CTPS1: variants seen among roughly 807,000 people sequenced by gnomAD.
The protein encoded by CTPS1 is CTP synthase 1, also known as CTP synthetase 1.
In CTPS1, 25 loss-of-function variants were observed where a neutral mutation model predicts 80.5. That is an observed-to-expected ratio of 0.31 (90% CI 0.23 to 0.43). The LOEUF (loss-of-function observed/expected upper bound fraction) is 0.43, where lower values mean the gene tolerates loss of function less well. CTPS1 is among the 20% of genes least tolerant of loss of function. CTPS1 has a pLI of 1.00. For synonymous variants in CTPS1, 267 were observed against 252.5 expected (o/e 1.06, Z -0.54); for missense variants, 442 against 725.7 (o/e 0.61, Z 4.49).
chr1:41,003,510 T>C (rs577784220), intron 12 of CTPS1, among the ~76,000 whole-genome samples: 4 of 152,342 alleles, frequency 2.6e-5, no homozygotes, highest in East Asian at 3.9e-4. Context: ...GCAGTTATTA[T>C]GAGAACCTGG....
At chr1:40,992,600 G>A (rs1642641500) in intron 7 of CTPS1, among the ~76,000 whole-genome samples, 1 of 151,640 alleles carries the variant, frequency 6.6e-6, no homozygotes, top group Non-Finnish European at 1.5e-5. Flanking sequence ...ATGTAGCTTT[G>A]GCCAGGTTTT....
intron 5 of CTPS1, 51 bp downstream of exon 5, chr1:40,988,761 G>GA (rs1447768971): frequency 5.7e-6 from 7 of 1,225,720 alleles, no homozygotes; most frequent in Non-Finnish European, 6.0e-6. Context: ...GAGGAGGGAG[G>GA]AAAGGTAAAC....
intron 1 of CTPS1, chr1:40,980,151 TCGG>T (rs1651799199): frequency 3.3e-5 from 5 of 151,038 alleles, no homozygotes; most frequent in Non-Finnish European, 7.4e-5. Flanking sequence ...CCGAATCAGC[TCGG>T]CCGGGCTCGT....
At chr1:40,997,064 A>C (rs1455499632) in intron 8 of CTPS1, 1 of 183,434 alleles carries the variant, frequency 5.5e-6, no homozygotes, top group Non-Finnish European at 1.1e-5. Context: ...CTTCCTCTTT[A>C]CTGGTCTGTA....
chr1:41,006,701 G>A (rs1276659245), intron 13 of CTPS1, among the ~76,000 whole-genome samples: 8 of 152,212 alleles, frequency 5.3e-5, no homozygotes, highest in Admixed American at 5.2e-4. Context: ...GGATGTAAAG[G>A]GAAGGGCACT....
chr1:40,985,222 A>G (rs1350988069), intron 3 of CTPS1, among the ~76,000 whole-genome samples: 1 of 152,272 alleles, frequency 6.6e-6, no homozygotes, highest in African/African-American at 2.4e-5. Context: ...TTCTTCGTTG[A>G]AGCTTGTCAA....
At chr1:40,997,602 TC>T (rs1642789374) in intron 9 of CTPS1, 76 bp downstream of exon 9, 2 of 1,492,358 alleles carry the variant, frequency 1.3e-6, no homozygotes, top group Non-Finnish European at 1.8e-6. Flanking sequence ...CTGTGTCATA[TC>T]TGCTTTCTGT....
chr1:40,997,171 TG>T, intron 8 of CTPS1: 1 of 494,632 alleles, frequency 2.0e-6, no homozygotes, highest in Non-Finnish European at 3.6e-6. Flanking sequence ...CTCACACTGT[TG>T]CCCAGGCTGT....
Position 40,985,009 on chromosome 1 carries a change from TTTAAAGC to T in CTPS1, c.337+24_337+30del, listed in dbSNP as rs1384971666. The T allele has an allele frequency of 6.6e-7, 1 of 1,523,544 alleles. No individual in the cohort carries two copies. Among genetic ancestry groups the T allele is most frequent in the Admixed American group, 1.9e-5 (1 of 51,588 alleles). 94.4% of individuals were successfully genotyped at this position (1,523,544 alleles called of 1,614,324 possible). ...TGTCCAAGGTAATACTGGATTTACCTTTAAAGCTTAAAAGTCTTAACCAGTTTAATTT... is the reference window on the plus strand; with the variant it reads ...TGTCCAAGGTAATACTGGATTTACCTTTAAAAGTCTTAACCAGTTTAATTT... On this transcript the variant is annotated intron_variant, in intron 3 of 18. Coordinates refer to ENST00000650070, the MANE Select transcript of CTPS1 (RefSeq NM_001905.4).
intron 5 of CTPS1, 29 bp from the exon 6 acceptor site, chr1:40,991,136 C>CTT (rs111518708): frequency 2.2e-3 from 2,634 of 1,192,364 alleles, no homozygotes; most frequent in South Asian, 4.3e-3. Flanking sequence ...GGGAAACTAA[C>CTT]TTTTTTTTTT....
intron 17 of CTPS1, 99 bp downstream of exon 17, chr1:41,009,688 A>T: frequency 6.8e-7 from 1 of 1,464,212 alleles, no homozygotes; most frequent in Admixed American, 2.1e-5. Context: ...GTCATAAGAA[A>T]AAAAAGCCAC....
intron 2 of CTPS1, among the ~76,000 whole-genome samples, 188 bp downstream of exon 2, chr1:40,983,644 A>G (rs1269051079): frequency 6.8e-6 from 1 of 146,686 alleles, no homozygotes; most frequent in Non-Finnish European, 1.5e-5. Flanking sequence ...TTTCTTTGAG[A>G]CAGGATCCCA....
intron 11 of CTPS1, 118 bp from the exon 12 acceptor site, chr1:41,002,996 G>C (rs1436497501): frequency 3.2e-6 from 3 of 932,408 alleles, no homozygotes; most frequent in Non-Finnish European, 5.2e-6. Context: ...AGGAAGTTAT[G>C]AGTTTGCAAT....
chr1:41,011,029 T>C (rs1057107719), intron 18 of CTPS1, among the ~76,000 whole-genome samples: 1 of 152,194 alleles, frequency 6.6e-6, no homozygotes, highest in African/African-American at 2.4e-5. Flanking sequence ...CCCTAAGGCC[T>C]GGGCAGGGGG....
In CTPS1 at chr1:40,987,691, ACAAT is replaced by A. The variant is rs554817468; in HGVS notation, c.438+222_438+225del. On this transcript the variant is annotated intron_variant, in intron 4 of 18. Transcript: ENST00000650070. ...GTTCCTTTTTTGTAGCATTTATGGT[ACAAT>A]CACTTAGTACTGATTGTCCCCATGA... Among the ~76,000 whole-genome samples, 15 of 152,328 alleles carry A rather than the reference ACAAT, an allele frequency of 9.8e-5. No individual in the cohort carries two copies. In the South Asian group the frequency reaches 3.1e-3, roughly 32 times the overall value.
chr1:40,997,325 A>G (rs1281009309), intron 8 of CTPS1, 69 bp from the exon 9 acceptor site: 5 of 1,528,740 alleles, frequency 3.3e-6, no homozygotes, highest in African/African-American at 2.8e-5. Flanking sequence ...CCCTTGAAAT[A>G]GCTATTTTGG....
chr1:40,988,800 G>A (rs981059560), intron 5 of CTPS1, 90 bp downstream of exon 5: 10 of 827,992 alleles, frequency 1.2e-5, no homozygotes, highest in Non-Finnish European at 1.8e-5. Flanking sequence ...TTGTCTAGTA[G>A]TTTTCACTTG....
chr1:40,995,355 A>G (rs1296582169), intron 7 of CTPS1, among the ~76,000 whole-genome samples: 2 of 149,164 alleles, frequency 1.3e-5, no homozygotes, highest in African/African-American at 5.0e-5. Context: ...AGTAGCTGGG[A>G]CCATGGGCAC....
intron 4 of CTPS1, 169 bp from the exon 5 acceptor site, chr1:40,988,425 C>T (rs1642514271): frequency 1.7e-6 from 1 of 594,454 alleles, no homozygotes; most frequent in African/African-American, 1.8e-5. Context: ...CCTTTTAGTA[C>T]AAAGAGTTGT....
Sources: gnomAD v4.1 joint callset for allele counts (sites outside exome capture counted in the v4.1 genomes callset) on GRCh38, gnomAD v4.1.1 for gene constraint, MANE v1.5 for transcripts, NCBI Gene and HGNC (gene_info 2026-07-23, HGNC 2026-07-21) for gene names.